SPICE1: variants seen among roughly 807,000 people sequenced by gnomAD.
SPICE1 encodes spindle and centriole-associated protein 1.
In SPICE1, 75 loss-of-function variants were observed where a neutral mutation model predicts 102.7. The ratio of observed to expected loss-of-function variants is 0.73; its 90% confidence interval spans 0.61 to 0.88. SPICE1 has a LOEUF of 0.88. Among genes scored for constraint, SPICE1 ranks in the 40% least tolerant of loss-of-function variants. SPICE1 has a pLI of 0.00. For missense variants in SPICE1, 979 were observed against 1,020.1 expected, an observed-to-expected ratio of 0.96 and a Z score of 0.55; for synonymous variants, 308 against 350.3, an observed-to-expected ratio of 0.88 and a Z score of 1.35.
At chr3:113,493,106 C>G (rs3732804) in intron 6 of SPICE1, 100 bp downstream of exon 6, 1 of 825,752 alleles carries the variant, frequency 1.2e-6, no homozygotes, top group Non-Finnish European at 1.9e-6. Flanking sequence ...ACAACTAGCA[C>G]TTGTTGATAT....
At position 113,443,486 on chromosome 3, in the gene SPICE1, G is replaced by A. The variant is rs1935436853; in HGVS notation, c.*1821C>T. On this transcript the variant is annotated 3_prime_UTR_variant, in exon 18 of 18. Transcript: ENST00000295872. ...GCATCCTCATCTGTAAAGGTGCTGG[G>A]AGAGGAGGAAGCATTTACATACCTC... 6.6e-6 allele frequency: 1 copy of A among 152,198 alleles called. No homozygotes were observed. The highest frequency in any genetic ancestry group is 2.1e-4 in the South Asian group (1 of 4,830). The allele number at this position is 152,198 out of a possible 1,614,324, so 9.4% of individuals were successfully genotyped here.
intron 7 of SPICE1, among the ~76,000 whole-genome samples, chr3:113,476,618 A>G (rs971661806): frequency 6.7e-6 from 1 of 148,536 alleles, no homozygotes; most frequent in Non-Finnish European, 1.5e-5. Flanking sequence ...CAGAGCCCTC[A>G]GAAATAACGC....
chr3:113,472,346 C>T (rs1484974120), intron 7 of SPICE1, among the ~76,000 whole-genome samples: 1 of 152,262 alleles, frequency 6.6e-6, no homozygotes, highest in Non-Finnish European at 1.5e-5. Flanking sequence ...GGCTCCACCT[C>T]TGGGGGCAGG....
intron 8 of SPICE1, 81 bp downstream of exon 8, chr3:113,469,018 A>C (rs1359533017): frequency 5.1e-6 from 8 of 1,564,920 alleles, no homozygotes; most frequent in Non-Finnish European, 5.2e-6. Context: ...AAACTCAAAT[A>C]ACATTCCTTC....
intron 7 of SPICE1, among the ~76,000 whole-genome samples, chr3:113,483,681 A>AT (rs1333294291): frequency 1.3e-5 from 2 of 152,224 alleles, no homozygotes; most frequent in African/African-American, 4.8e-5. Flanking sequence ...GATTACATTT[A>AT]TTTTTTTGCA....
chr3:113,512,585 T>C (rs1409360491), intron 1 of SPICE1, among the ~76,000 whole-genome samples: 1 of 152,032 alleles, frequency 6.6e-6, no homozygotes, highest in Non-Finnish European at 1.5e-5. Context: ...ACTTTTGTAT[T>C]TTTAGTAGAA....
Position 113,494,116 on chromosome 3 carries a change from T to G in SPICE1, c.318A>C (p.Gln106His). The change falls in exon 5 of 18, where the codon CAA (glutamine) becomes CAC (histidine). Residue 106 changes from glutamine to histidine, a missense_variant. Physicochemically the swap from Gln to His is conservative, Grantham distance 24. Transcript: ENST00000295872. The stretch of plus-strand genomic sequence containing the variant: ...GATGATCAGATTTCTCCAACACATC[T>G]TGCATCTGGTATTGATCAGAAAGAA... ...KEILSDQYQM[Q>H]DVLEKSDHLI... is the part of the protein sequence containing the mutation. The G allele has an allele frequency of 6.2e-7, 1 of 1,611,662 alleles. No homozygotes were observed. The highest frequency in any genetic ancestry group is 8.5e-7 in the Non-Finnish European group (1 of 1,178,896).
At chr3:113,506,485 T>G in intron 2 of SPICE1, 22 bp downstream of exon 2, 1 of 1,568,198 alleles carries the variant, frequency 6.4e-7, no homozygotes, top group Non-Finnish European at 8.8e-7. Context: ...GTTACATTAT[T>G]TACTATCCCA....
In SPICE1 at chr3:113,445,067, C is replaced by T; in HGVS notation, c.*240G>A. 1 of 333,494 alleles carries T rather than the reference C, an allele frequency of 3.0e-6. No homozygotes were observed. Among genetic ancestry groups the T allele is most frequent in the Non-Finnish European group, 5.4e-6 (1 of 186,144 alleles). 20.7% of individuals were successfully genotyped at this position (333,494 alleles called of 1,614,324 possible). ...AAATACTTAAGAAAGTATTAAAATA[C>T]AAAACTTTAACTTCTCTACAGTCAA... On this transcript the variant is annotated 3_prime_UTR_variant, in exon 18 of 18. Transcript: ENST00000295872.
intron 15 of SPICE1, chr3:113,449,134 A>C (rs995407389): frequency 2.0e-5 from 3 of 152,204 alleles, no homozygotes; most frequent in African/African-American, 7.2e-5. Flanking sequence ...CAAATACTGA[A>C]ATGGAAGATG....
In SPICE1 at chr3:113,468,381, C is replaced by A. The variant is rs1054637894; in HGVS notation, c.913G>T (p.Ala305Ser). The A allele has an allele frequency of 6.2e-7, 1 of 1,613,346 alleles. No homozygotes were observed. Among genetic ancestry groups the A allele is most frequent in the African/African-American group, 1.3e-5 (1 of 74,896 alleles). The change falls in exon 10 of 18, where the codon GCT becomes TCT. Residue 305 changes from alanine (A) to serine (S), a missense_variant. Transcript: ENST00000295872. ...ATGTTTTTCTTCGGCTTGGAAAGAG[C>A]ATGCAAATTCGGTTTCCTTTTCACT... ...NKVKRKPNLHALSKPKKNISS... is the reference protein window; with the variant it reads ...NKVKRKPNLHSLSKPKKNISS...
At chr3:113,471,179 G>A (rs909754681) in intron 7 of SPICE1, among the ~76,000 whole-genome samples, 14 of 152,140 alleles carry the variant, frequency 9.2e-5, no homozygotes, top group African/African-American at 2.9e-4. Flanking sequence ...CCTAAACCCT[G>A]GAGCCTGTCA....
chr3:113,460,039 G>T, intron 12 of SPICE1: 1 of 985,282 alleles, frequency 1.0e-6, no homozygotes, highest in Non-Finnish European at 1.2e-6. Context: ...TTTTCTTACA[G>T]ATACTCATCA....
At chr3:113,445,443 G>A in intron 17 of SPICE1, 83 bp from the exon 18 acceptor site, 1 of 1,162,326 alleles carries the variant, frequency 8.6e-7, no homozygotes, top group Non-Finnish European at 1.3e-6. Context: ...TTTAGACCAA[G>A]TGCATAAAAC....
At chr3:113,467,354 C>T (rs904586562) in intron 10 of SPICE1, among the ~76,000 whole-genome samples, 12 of 152,262 alleles carry the variant, frequency 7.9e-5, no homozygotes, top group Admixed American at 5.2e-4. Flanking sequence ...TGCAGTGGCG[C>T]GATCTCGGCT....
intron 6 of SPICE1, among the ~76,000 whole-genome samples, chr3:113,490,064 G>A (rs1936733908): frequency 6.6e-6 from 1 of 151,898 alleles, no homozygotes; most frequent in East Asian, 1.9e-4. Context: ...TTATTATCCA[G>A]TCTTATCTTG....
At chr3:113,479,920 G>T (rs1313318931) in intron 7 of SPICE1, among the ~76,000 whole-genome samples, 1 of 152,078 alleles carries the variant, frequency 6.6e-6, no homozygotes, top group Non-Finnish European at 1.5e-5. Context: ...GAAGAAATCA[G>T]AAAACTAGAC....
Position 113,513,909 on chromosome 3 carries a change from T to C in SPICE1, c.-1+988A>G, listed in dbSNP as rs141993886. Among the ~76,000 whole-genome samples, 15 of 152,334 alleles carry C rather than the reference T, an allele frequency of 9.8e-5. No homozygotes were observed. In the East Asian group the frequency reaches 2.9e-3, roughly 29 times the overall value. On this transcript the variant is annotated intron_variant, in intron 1 of 17. Coordinates refer to ENST00000295872, the MANE Select transcript of SPICE1 (RefSeq NM_144718.4). ...ATGCCCTTGCAGAGTTAAGAGTTTC[T>C]AAGAGGACCGCAATTAAACAAGTAT...
chr3:113,467,083 G>A lies in SPICE1; in HGVS notation c.1155+1056C>T, dbSNP rs16845110. ...AAAGCAATTCAATTTTAGGAAGACG[G>A]CTCTAGAGAAACTAAAACATCTGTA... On this transcript the variant is annotated intron_variant, in intron 10 of 17. Transcript: ENST00000295872. Among the ~76,000 whole-genome samples, 1,235 of 152,224 alleles carry A rather than the reference G, an allele frequency of 8.1e-3. 14 individuals carry two copies. Among genetic ancestry groups the A allele is most frequent in the African/African-American group, 0.028 (1,157 of 41,534 alleles).
Sources: allele counts gnomAD v4.1 joint callset (sites outside exome capture counted in the v4.1 genomes callset), GRCh38; gene constraint gnomAD v4.1.1; transcripts MANE v1.5; gene names NCBI Gene and HGNC (gene_info 2026-07-23, HGNC 2026-07-21).